Variants in COL4A5 observed in about 807,000 individuals in gnomAD.
COL4A5 encodes the protein collagen type IV alpha 5 chain.
In COL4A5, 26 loss-of-function variants were observed where a neutral mutation model predicts 130.2. The observed-to-expected ratio is 0.20, with a 90% confidence interval of 0.15 to 0.28. The LOEUF (loss-of-function observed/expected upper bound fraction) is 0.28, where lower values mean the gene tolerates loss of function less well. Ranked by LOEUF, COL4A5 falls within the 10% of genes least tolerant of loss-of-function variation. The probability of loss-of-function intolerance (pLI) is 1.00; values close to 1 mark genes in which losing one functional copy is unlikely to be tolerated. For missense variants in COL4A5, 1,131 were observed against 1,344.3 expected, an observed-to-expected ratio of 0.84 and a Z score of 2.48; for synonymous variants, 496 against 439.6, an observed-to-expected ratio of 1.13 and a Z score of -1.60.
At chrX:108,540,778 C>A (rs1043142445) in intron 2 of COL4A5, among the ~76,000 whole-genome samples, 1 of 112,297 alleles carries the variant, frequency 8.9e-6, no homozygotes, top group Non-Finnish European at 1.9e-5. Context: ...ACAGCAGCAT[C>A]TCCTATTGTA....
chrX:108,614,813 C>T (rs2066896207), intron 29 of COL4A5, 98 bp from the exon 30 acceptor site: 1 of 582,980 alleles, frequency 1.7e-6, no homozygotes, highest in African/African-American at 2.2e-5. Context: ...TGAATGAATG[C>T]CCAGTTTTTC....
At chrX:108,471,937 T>G (rs1253348035) in intron 1 of COL4A5, among the ~76,000 whole-genome samples, 3 of 111,861 alleles carry the variant, frequency 2.7e-5, no homozygotes, top group African/African-American at 9.7e-5. Flanking sequence ...GGTCATTTAT[T>G]TGAGCTCTTT....
At chrX:108,560,598 C>T (rs1429768993) in intron 3 of COL4A5, among the ~76,000 whole-genome samples, 1 of 112,831 alleles carries the variant, frequency 8.9e-6, no homozygotes, top group Non-Finnish European at 1.9e-5. Flanking sequence ...TCCTGAATAA[C>T]CGGAGTCTAT....
chrX:108,479,288 GC>G (rs2064866054), intron 1 of COL4A5, among the ~76,000 whole-genome samples: 1 of 112,446 alleles, frequency 8.9e-6, no homozygotes, highest in African/African-American at 3.2e-5. Context: ...TCCCAGTCAT[GC>G]TTTTTCCAAG....
At position 108,621,818 on chromosome X, in the gene COL4A5, T is replaced by C; in HGVS notation, c.2693T>C (p.Met898Thr). Residue 898 changes from methionine to threonine, a missense_variant, in exon 32 of 53, where the codon ATG (methionine) becomes ACG (threonine). By Grantham distance (81) the Met-to-Thr change is moderately conservative. Transcript: ENST00000328300. ...ASGFPGTKGE[M>T]GMMGPPGPPG... ...TTCTTCAAAGGTACCAAAGGTGAAA[T>C]GGGTATGATGGGACCTCCAGGCCCA... 1 of 1,205,792 alleles carries C rather than the reference T, an allele frequency of 8.3e-7. No individual in the cohort carries two copies. The highest frequency in any genetic ancestry group is 1.1e-6 in the Non-Finnish European group (1 of 890,493).
intron 1 of COL4A5, among the ~76,000 whole-genome samples, chrX:108,481,744 T>G (rs1214319654): frequency 9.0e-6 from 1 of 111,506 alleles, no homozygotes; most frequent in Admixed American, 9.5e-5. Context: ...TGTAGTTGAG[T>G]GACTGCAGTT....
intron 1 of COL4A5, among the ~76,000 whole-genome samples, chrX:108,475,385 C>T (rs753782823): frequency 2.3e-4 from 26 of 111,364 alleles, no homozygotes; most frequent in African/African-American, 8.2e-4. Context: ...AAGAGACAGT[C>T]TTACTTCTCC....
At chrX:108,535,693 A>G (rs894846525) in intron 1 of COL4A5, among the ~76,000 whole-genome samples, 1 of 111,497 alleles carries the variant, frequency 9.0e-6, no homozygotes, top group Non-Finnish European at 1.9e-5. Context: ...AAATTATAAA[A>G]CAAAACCCAA....
intron 2 of COL4A5, among the ~76,000 whole-genome samples, chrX:108,546,755 G>T (rs1290095866): frequency 3.6e-5 from 4 of 111,620 alleles, no homozygotes; most frequent in Non-Finnish European, 5.7e-5. Flanking sequence ...CCAATCAGAT[G>T]TAGATTTGGT....
At chrX:108,622,215 A>G (rs993264066) in intron 32 of COL4A5, among the ~76,000 whole-genome samples, 1 of 112,067 alleles carries the variant, frequency 8.9e-6, no homozygotes, top group Non-Finnish European at 1.9e-5. Flanking sequence ...TCCAAATTCC[A>G]TCTCCTGGGT....
Position 108,539,771 on chromosome X carries a change from C to T in COL4A5, c.107C>T (p.Ser36Leu), listed in dbSNP as rs759512115. 2.5e-6 allele frequency: 3 copies of T among 1,209,432 alleles called. No homozygotes were observed. In the South Asian group the frequency reaches 5.3e-5, roughly 21 times the overall value. Residue 36 changes from serine (S) to leucine (L), a missense_variant, in exon 2 of 53, where the codon TCA becomes TTA. Transcript: ENST00000328300. ...AAACYGCSPG[S>L]KCDCSGIKGE... is the part of the protein sequence containing the mutation. ...GCTTGCTATGGGTGTTCTCCAGGAT[C>T]AAAGTGTGACTGCAGTGGCATAAAA... is the stretch of plus-strand genomic sequence containing the variant.
intron 1 of COL4A5, among the ~76,000 whole-genome samples, chrX:108,490,131 T>TA (rs1239961596): frequency 2.7e-5 from 3 of 111,857 alleles, no homozygotes; most frequent in African/African-American, 9.7e-5. Flanking sequence ...TCACCAGTTT[T>TA]ACTTGTGTTC....
intron 30 of COL4A5, among the ~76,000 whole-genome samples, chrX:108,617,256 C>G (rs980174945): frequency 1.8e-5 from 2 of 111,218 alleles, no homozygotes; most frequent in African/African-American, 6.5e-5. Flanking sequence ...ATAAGGTAAT[C>G]GGAAAGATTC....
intron 3 of COL4A5, among the ~76,000 whole-genome samples, chrX:108,561,426 T>C (rs919612338): frequency 9.0e-6 from 1 of 110,863 alleles, no homozygotes; most frequent in Non-Finnish European, 1.9e-5. Flanking sequence ...GTCTGTCCTA[T>C]ACCATGAGCA....
intron 10 of COL4A5, among the ~76,000 whole-genome samples, chrX:108,577,460 A>G (rs1056492269): frequency 9.1e-6 from 1 of 109,418 alleles, no homozygotes; most frequent in Non-Finnish European, 1.9e-5. Context: ...TGAGGTTAAG[A>G]GGCAACATAC....
At chrX:108,511,995 CTG>C (rs2147592458) in intron 1 of COL4A5, among the ~76,000 whole-genome samples, 1 of 111,365 alleles carries the variant, frequency 9.0e-6, no homozygotes, top group African/African-American at 3.3e-5. Flanking sequence ...TTGCATAACT[CTG>C]TGAATATACT....
At chrX:108,476,244 T>G (rs1452366620) in intron 1 of COL4A5, among the ~76,000 whole-genome samples, 3 of 111,764 alleles carry the variant, frequency 2.7e-5, no homozygotes, top group African/African-American at 9.8e-5. Context: ...CCTTGATTTA[T>G]TTATTTTAAA....
chrX:108,682,702 G>A lies in COL4A5; in HGVS notation c.4216+814G>A, dbSNP rs181502918. ...TCATAAATGTCTTTTTTTGAGAAGT[G>A]TCTGTTCATATCCTTTGCCCACTTT... On this transcript the variant is annotated intron_variant, in intron 47 of 52. Coordinates refer to ENST00000328300, the MANE Select transcript of COL4A5 (RefSeq NM_033380.3). Among the ~76,000 whole-genome samples the A allele has an allele frequency of 2.7e-5, 3 of 111,825 alleles. No individual in the cohort carries two copies. In the East Asian group the frequency reaches 8.5e-4, roughly 32 times the overall value.
chrX:108,462,857 A>G lies in COL4A5; in HGVS notation c.81+22651A>G, dbSNP rs1363981761. 3.5e-5 allele frequency: 4 copies of G among 112,750 alleles called. No individual in the cohort carries two copies. The Admixed American group carries it at 3.8e-4, about 11-fold the overall frequency. The allele number at this position is 112,750 out of a possible 1,213,427, so 9.3% of individuals were successfully genotyped here. ...ATGCCAGTAATAATTCTGTCATTGA[A>G]CATAATGGAGAGGAGTCATCTTAAT... On this transcript the variant is annotated intron_variant, in intron 1 of 52. Coordinates refer to ENST00000328300, the MANE Select transcript of COL4A5 (RefSeq NM_033380.3).
Sources: allele counts gnomAD v4.1 joint callset (sites outside exome capture counted in the v4.1 genomes callset), GRCh38; gene constraint gnomAD v4.1.1; transcripts MANE v1.5; gene names NCBI Gene and HGNC (gene_info 2026-07-23, HGNC 2026-07-21).